CFAP54: variants seen among roughly 807,000 people sequenced by gnomAD.
CFAP54 encodes cilia and flagella associated protein 54, also known as cilia- and flagella-associated protein 54.
Under a neutral mutation model 370.4 loss-of-function variants are expected in CFAP54, and 290 were observed. That is an observed-to-expected ratio of 0.78 (90% CI 0.71 to 0.86). The LOEUF is 0.86. CFAP54 is among the 40% of genes least tolerant of loss of function. The probability of loss-of-function intolerance (pLI) is 0.00; values close to 1 mark genes in which losing one functional copy is unlikely to be tolerated. For synonymous variants in CFAP54, 1,206 were observed against 1,236.5 expected (o/e 0.98, Z 0.52); for missense variants, 3,399 against 3,528.7 (o/e 0.96, Z 0.93).
chr12:96,552,560 G>A (rs963057770), intron 15 of CFAP54, among the ~76,000 whole-genome samples: 9 of 152,106 alleles, frequency 5.9e-5, no homozygotes, highest in African/African-American at 2.2e-4. Context: ...GGCCAGGCTG[G>A]TCTTGAACTC....
At chr12:96,675,053 A>G (rs1040106776) in intron 39 of CFAP54, among the ~76,000 whole-genome samples, 7 of 152,264 alleles carry the variant, frequency 4.6e-5, no homozygotes, top group African/African-American at 1.7e-4. Context: ...TAAAACACCA[A>G]AAGCAATGGC....
chr12:96,835,130 G>A (rs906171040), intron 66 of CFAP54, among the ~76,000 whole-genome samples: 3 of 151,932 alleles, frequency 2.0e-5, no homozygotes, highest in Non-Finnish European at 4.4e-5. Context: ...CAGAGAATAG[G>A]CCCTGGAGTG....
intron 26 of CFAP54, among the ~76,000 whole-genome samples, chr12:96,601,218 G>C (rs936544447): frequency 1.3e-5 from 2 of 152,174 alleles, no homozygotes; most frequent in Non-Finnish European, 2.9e-5. Flanking sequence ...AGATAATCAT[G>C]TGGTTTTTGT....
intron 58 of CFAP54, among the ~76,000 whole-genome samples, chr12:96,760,969 T>C (rs1373765330): frequency 1.3e-5 from 2 of 152,258 alleles, no homozygotes; most frequent in Non-Finnish European, 2.9e-5. Flanking sequence ...TCAATTCTTT[T>C]GAGTATATAC....
chr12:96,676,603 C>T (rs543200384), intron 39 of CFAP54, among the ~76,000 whole-genome samples: 91 of 151,310 alleles, frequency 6.0e-4, no homozygotes, highest in African/African-American at 1.9e-3. Context: ...TGGAGTGCAG[C>T]GGCACAATCT....
chr12:96,833,110 G>A (rs1959175824), intron 66 of CFAP54, among the ~76,000 whole-genome samples: 1 of 152,164 alleles, frequency 6.6e-6, no homozygotes, highest in African/African-American at 2.4e-5. Flanking sequence ...ATGAAGGAAG[G>A]GAACGAGTGC....
intron 66 of CFAP54, among the ~76,000 whole-genome samples, chr12:96,848,236 C>T (rs1275844640): frequency 6.6e-6 from 1 of 152,056 alleles, no homozygotes; most frequent in East Asian, 1.9e-4. Flanking sequence ...ACCACCACAC[C>T]TGACTAATTT....
At chr12:96,686,923 T>A (rs893264756) in intron 42 of CFAP54, among the ~76,000 whole-genome samples, 1 of 152,204 alleles carries the variant, frequency 6.6e-6, no homozygotes, top group African/African-American at 2.4e-5. Flanking sequence ...ACAGGTTTAT[T>A]ATTTTACAGT....
intron 45 of CFAP54, among the ~76,000 whole-genome samples, chr12:96,695,539 CTT>C (rs143114009): frequency 6.6e-6 from 1 of 152,174 alleles, no homozygotes; most frequent in Non-Finnish European, 1.5e-5. Flanking sequence ...AATTCCAACA[CTT>C]TTAAAAGAAA....
At chr12:96,861,869 A>G (rs1490595106) in intron 67 of CFAP54, among the ~76,000 whole-genome samples, 1 of 152,202 alleles carries the variant, frequency 6.6e-6, no homozygotes, top group Admixed American at 6.5e-5. Context: ...CTAGTGTCTA[A>G]AAATGCCACA....
intron 64 of CFAP54, among the ~76,000 whole-genome samples, chr12:96,816,910 C>A (rs1309161040): frequency 6.6e-6 from 1 of 152,210 alleles, no homozygotes; most frequent in Non-Finnish European, 1.5e-5. Flanking sequence ...TGCTAGTGCC[C>A]TCCTTTGGCT....
chr12:96,846,211 A>G (rs1390190373), intron 66 of CFAP54, among the ~76,000 whole-genome samples: 1 of 152,258 alleles, frequency 6.6e-6, no homozygotes, highest in Non-Finnish European at 1.5e-5. Context: ...TTAGTTTTTT[A>G]ACACATTGAA....
At chr12:96,863,576 T>C (rs569068654) in intron 67 of CFAP54, among the ~76,000 whole-genome samples, 1 of 152,152 alleles carries the variant, frequency 6.6e-6, no homozygotes, top group South Asian at 2.1e-4. Flanking sequence ...CTCTGGGAAA[T>C]TGGATAGTAA....
At position 96,814,882 on chromosome 12, in the gene CFAP54, A is replaced by T. The variant is rs1026172908; in HGVS notation, c.8958-2893A>T. ...CATGCATGTCCTTGCAGAGGACATG[A>T]ACTCACTCTTTTTTTATGGCTGCTA... On this transcript the variant is annotated intron_variant, in intron 64 of 67. Transcript: ENST00000524981. Among the ~76,000 whole-genome samples the T allele has an allele frequency of 2.6e-5, 4 of 152,178 alleles. No individual in the cohort carries two copies. The South Asian group carries it at 8.3e-4, about 32-fold the overall frequency.
At chr12:96,575,736 A>T (rs984695386) in intron 19 of CFAP54, among the ~76,000 whole-genome samples, 17 of 152,226 alleles carry the variant, frequency 1.1e-4, no homozygotes, top group African/African-American at 4.1e-4. Flanking sequence ...TGCATATTTC[A>T]TTTTAAGTTA....
chr12:96,735,851 A>T (rs1255180814), intron 50 of CFAP54, among the ~76,000 whole-genome samples: 1 of 152,222 alleles, frequency 6.6e-6, no homozygotes, highest in Non-Finnish European at 1.5e-5. Flanking sequence ...AATATTAAAC[A>T]TAACTGCTAT....
intron 46 of CFAP54, 105 bp downstream of exon 46, chr12:96,700,198 T>G (rs1182782442): frequency 7.9e-7 from 1 of 1,270,716 alleles, no homozygotes; most frequent in Admixed American, 2.5e-5. Flanking sequence ...CTCTGGTATT[T>G]TAGCCCTCTT....
chr12:96,603,725 C>CAA (rs1956269404), intron 26 of CFAP54, among the ~76,000 whole-genome samples: 13 of 147,732 alleles, frequency 8.8e-5, no homozygotes, highest in Admixed American at 2.0e-4. Flanking sequence ...TCACTGATAT[C>CAA]CTTTCTTCCA....
chr12:96,864,999 C>T (rs865860731), intron 67 of CFAP54, among the ~76,000 whole-genome samples: 36 of 152,180 alleles, frequency 2.4e-4, no homozygotes, highest in African/African-American at 7.5e-4. Context: ...CTTGAACAAG[C>T]CCCTAATGGG....
Sources: gnomAD v4.1 joint callset for allele counts (sites outside exome capture counted in the v4.1 genomes callset) on GRCh38, gnomAD v4.1.1 for gene constraint, MANE v1.5 for transcripts, NCBI Gene and HGNC (gene_info 2026-07-23, HGNC 2026-07-21) for gene names.